Variants in AMMECR1 observed in about 807,000 individuals in gnomAD.
The protein encoded by AMMECR1 is nuclear protein AMMECR1.
In AMMECR1, 3 loss-of-function variants were observed where a neutral mutation model predicts 22.5. The ratio of observed to expected loss-of-function variants is 0.13; its 90% confidence interval spans 0.06 to 0.35. The LOEUF (loss-of-function observed/expected upper bound fraction) is 0.35, where lower values mean the gene tolerates loss of function less well. AMMECR1 is among the 10% of genes least tolerant of loss of function. The pLI is 1.00. For missense variants in AMMECR1, 235 were observed against 278.7 expected (o/e 0.84, Z 1.12); for synonymous variants, 130 against 116.7 (o/e 1.11, Z -0.74).
At chrX:110,209,841 A>G (rs897290277) in intron 3 of AMMECR1, among the ~76,000 whole-genome samples, 2 of 109,512 alleles carry the variant, frequency 1.8e-5, no homozygotes, top group African/African-American at 6.7e-5. Context: ...CTTATTCCCA[A>G]AATTCAGCAT....
chrX:110,432,384 G>T (rs1297988626), intron 1 of AMMECR1, among the ~76,000 whole-genome samples: 3 of 112,262 alleles, frequency 2.7e-5, no homozygotes, highest in African/African-American at 9.7e-5. Flanking sequence ...CCCCTTCTGA[G>T]AGATCAGGCA....
chrX:110,317,924 C>T lies in AMMECR1; in HGVS notation c.148G>A (p.Gly50Ser), dbSNP rs1267613870. ...CCTCCCAGCCCGTTGAGCCGCGTAC[C>T]GGCGCCTCCTAGTCCCAGCTCCCCA... ...RAGELGLGGA[G>S]TRLNGLGGLT... Residue 50 changes from glycine (G) to serine (S), a missense_variant, in exon 1 of 6, where the codon GGT becomes AGT. Coordinates refer to ENST00000262844, the MANE Select transcript of AMMECR1 (RefSeq NM_015365.3). The T allele has an allele frequency of 1.7e-6, 2 of 1,197,309 alleles. No homozygotes were observed. The highest frequency in any genetic ancestry group is 1.7e-5 in the African/African-American group (1 of 57,407).
At chrX:110,248,721 C>T (rs1265310928) in intron 2 of AMMECR1, among the ~76,000 whole-genome samples, 1 of 112,371 alleles carries the variant, frequency 8.9e-6, no homozygotes, top group African/African-American at 3.2e-5. Flanking sequence ...CACTTCTTAA[C>T]TCCTAAATGT....
chrX:110,271,748 T>G (rs918282789), intron 1 of AMMECR1, among the ~76,000 whole-genome samples: 1 of 110,932 alleles, frequency 9.0e-6, no homozygotes, highest in African/African-American at 3.3e-5. Context: ...TAGCTGTGGG[T>G]TTTTTTTCCT....
At position 110,394,320 on chromosome X, in the gene AMMECR1, G is replaced by A. The variant is rs1301583095; in HGVS notation, c.-148+32338C>T. 4.5e-5 allele frequency among the ~76,000 whole-genome samples: 5 copies of A among 110,910 alleles called. No individual in the cohort carries two copies. The East Asian group carries it at 1.1e-3, about 25-fold the overall frequency. ...GGCTGGAGTGCAGTGGCGCAATCAC[G>A]GCTCACTGCAGCCTCAACCTCCCAG... On this transcript the variant is annotated intron_variant, in intron 2 of 7. Transcript: ENST00000372057.
At chrX:110,318,105 C>T (rs770640423), upstream of AMMECR1, 14 of 1,098,366 alleles carry the variant, frequency 1.3e-5, no homozygotes, top group Admixed American at 8.6e-5. Flanking sequence ...GCGTTTCCGA[C>T]CCATAAGTGA....
chrX:110,354,693 C>G (rs1010451163), intron 2 of AMMECR1, among the ~76,000 whole-genome samples: 4 of 111,694 alleles, frequency 3.6e-5, no homozygotes, highest in African/African-American at 1.3e-4. Context: ...AGAAGCAAAC[C>G]CAAGTATTTA....
intron 2 of AMMECR1, among the ~76,000 whole-genome samples, chrX:110,387,370 A>G (rs973124812): frequency 8.9e-6 from 1 of 112,127 alleles, no homozygotes; most frequent in Admixed American, 9.4e-5. Context: ...AAAACATTTA[A>G]CTGGACAAAT....
At chrX:110,333,642 C>T (rs1425193278) in intron 2 of AMMECR1, among the ~76,000 whole-genome samples, 1 of 111,520 alleles carries the variant, frequency 9.0e-6, no homozygotes, top group Non-Finnish European at 1.9e-5. Flanking sequence ...ACTATGCAGC[C>T]ATAAAAAAGG....
intron 2 of AMMECR1, among the ~76,000 whole-genome samples, chrX:110,217,099 C>A (rs1441059490): frequency 9.4e-6 from 1 of 105,967 alleles, no homozygotes. Context: ...CACATATATA[C>A]AATATTGTTT....
intron 2 of AMMECR1, among the ~76,000 whole-genome samples, chrX:110,235,747 G>C (rs1262482576): frequency 9.0e-6 from 1 of 111,632 alleles, no homozygotes; most frequent in Non-Finnish European, 1.9e-5. Flanking sequence ...TTTACTCATA[G>C]ATGGGAATTG....
At chrX:110,298,524 G>A (rs989268454) in intron 1 of AMMECR1, among the ~76,000 whole-genome samples, 1 of 110,436 alleles carries the variant, frequency 9.1e-6, no homozygotes, top group African/African-American at 3.3e-5. Context: ...GGTTGGTGGG[G>A]GAGAGAGAGA....
chrX:110,271,786 A>G (rs189294537), intron 1 of AMMECR1, among the ~76,000 whole-genome samples: 1 of 111,471 alleles, frequency 9.0e-6, no homozygotes, highest in East Asian at 2.8e-4. Flanking sequence ...AGAAATCTCT[A>G]TTACCTGAAA....
chrX:110,294,734 T>C (rs1332989728), intron 1 of AMMECR1, among the ~76,000 whole-genome samples: 1 of 111,742 alleles, frequency 8.9e-6, no homozygotes. Flanking sequence ...TACTGAACTT[T>C]GTTATTTTGT....
chrX:110,374,569 A>T (rs1357496746), intron 2 of AMMECR1, among the ~76,000 whole-genome samples: 1 of 112,218 alleles, frequency 8.9e-6, no homozygotes, highest in Admixed American at 9.4e-5. Flanking sequence ...GGTCCTCTTT[A>T]ACATGTACTT....
intron 2 of AMMECR1, among the ~76,000 whole-genome samples, chrX:110,377,122 C>G (rs2068382289): frequency 9.0e-6 from 1 of 111,499 alleles, no homozygotes. Flanking sequence ...TTCCCCTAGC[C>G]TTGAAGATAC....
intron 2 of AMMECR1, among the ~76,000 whole-genome samples, chrX:110,372,310 C>G (rs1471939409): frequency 8.9e-6 from 1 of 112,221 alleles, no homozygotes. Context: ...AAAGAAATGC[C>G]TACACATTAT....
intron 2 of AMMECR1, among the ~76,000 whole-genome samples, chrX:110,234,385 T>C (rs1220343865): frequency 1.8e-5 from 2 of 111,677 alleles, no homozygotes; most frequent in African/African-American, 6.5e-5. Context: ...ATCGATATCG[T>C]GAAAATGGCC....
intron 2 of AMMECR1, among the ~76,000 whole-genome samples, chrX:110,400,204 T>C (rs2068554935): frequency 9.4e-6 from 1 of 106,036 alleles, no homozygotes; most frequent in Non-Finnish European, 1.9e-5. Context: ...AATAGTATTA[T>C]GTGCCACTGA....
Sources: allele counts gnomAD v4.1 joint callset (sites outside exome capture counted in the v4.1 genomes callset), GRCh38; gene constraint gnomAD v4.1.1; transcripts MANE v1.5; gene names NCBI Gene and HGNC (gene_info 2026-07-23, HGNC 2026-07-21).